MXRA7: variants seen among roughly 807,000 people sequenced by gnomAD.
MXRA7 encodes matrix-remodeling-associated protein 7.
In MXRA7, 18 loss-of-function variants were observed where a neutral mutation model predicts 17.4. The observed-to-expected ratio is 1.03, with a 90% CI of 0.71 to 1.53. The LOEUF (loss-of-function observed/expected upper bound fraction) is 1.53. Ranked by LOEUF, MXRA7 falls within the 40% of genes most tolerant of loss-of-function variation. The pLI is 0.00. For missense variants in MXRA7, 141 were observed against 209.3 expected (o/e 0.67, Z 2.01); for synonymous variants, 70 against 101.7 (o/e 0.69, Z 1.87).
At chr17:76,676,612 A>C (rs1328097231), downstream of MXRA7, 4 of 151,996 alleles carry the variant, frequency 2.6e-5, no homozygotes, top group African/African-American at 9.7e-5. Context: ...AAAATACAGA[A>C]ATTAGCTGGG....
intron 3 of MXRA7, chr17:76,684,643 G>T (rs2076361431): frequency 1.4e-5 from 6 of 433,386 alleles, no homozygotes; most frequent in Non-Finnish European, 2.8e-5. Flanking sequence ...GGAGGCCGCT[G>T]AAGGATGAGC....
intron 1 of MXRA7, among the ~76,000 whole-genome samples, chr17:76,701,274 T>C (rs933188584): frequency 1.2e-4 from 18 of 151,732 alleles, no homozygotes; most frequent in African/African-American, 4.1e-4. Flanking sequence ...GTGACCAGAA[T>C]TGCAGACAGC....
intron 1 of MXRA7, 144 bp from the exon 2 acceptor site, chr17:76,688,320 G>A (rs1173431898): frequency 4.1e-6 from 6 of 1,464,366 alleles, no homozygotes; most frequent in Admixed American, 2.5e-5. Flanking sequence ...CTGTGGTCAT[G>A]GTCAACCAGC....
intron 1 of MXRA7, among the ~76,000 whole-genome samples, chr17:76,693,088 T>A (rs1179429529): frequency 1.3e-5 from 2 of 152,266 alleles, no homozygotes; most frequent in Non-Finnish European, 2.9e-5. Flanking sequence ...ATTCAACTGA[T>A]GTTTTGTAGG....
At chr17:76,685,303 C>T (rs1048208004) in intron 2 of MXRA7, 138 bp from the exon 3 acceptor site, 9 of 655,086 alleles carry the variant, frequency 1.4e-5, no homozygotes, top group African/African-American at 7.3e-5. Flanking sequence ...CTCACCCCAG[C>T]GCCTATACCC....
intron 3 of MXRA7, chr17:76,684,690 A>AAATC: frequency 2.2e-6 from 1 of 449,108 alleles, no homozygotes; most frequent in Non-Finnish European, 4.4e-6. Flanking sequence ...AGAAATGGAG[A>AAATC]AATCAGCTCT....
chr17:76,691,988 G>A (rs979337032), intron 1 of MXRA7, among the ~76,000 whole-genome samples: 11 of 152,272 alleles, frequency 7.2e-5, no homozygotes, highest in African/African-American at 2.4e-4. Context: ...GGGCAGATCC[G>A]TATCCCCAAA....
chr17:76,694,884 CG>C (rs200743501), intron 1 of MXRA7, among the ~76,000 whole-genome samples: 2,534 of 151,990 alleles, frequency 0.017, 87 homozygotes, highest in African/African-American at 0.058. Flanking sequence ...TAAAAAATAA[CG>C]GGGGCCGGGG....
intron 1 of MXRA7, among the ~76,000 whole-genome samples, chr17:76,708,185 G>A (rs1368009003): frequency 6.6e-6 from 1 of 152,228 alleles, no homozygotes; most frequent in East Asian, 1.9e-4. Context: ...TGCTTCCCGG[G>A]GCGAGAGATC....
chr17:76,677,454 T>G (rs1332314830), downstream of MXRA7: 1 of 627,084 alleles, frequency 1.6e-6, no homozygotes, highest in Non-Finnish European at 2.8e-6. Context: ...ACTCGGCAAG[T>G]ACCTATAGAA....
intron 1 of MXRA7, among the ~76,000 whole-genome samples, chr17:76,702,887 A>ACATACGTATATATACG (rs1193131629): frequency 6.7e-6 from 1 of 149,632 alleles, no homozygotes; most frequent in African/African-American, 2.5e-5. Flanking sequence ...ATATATATAT[A>ACATACGTATATATACG]TATCTTGAGG....
At chr17:76,708,507 C>T (rs2143695933) in intron 1 of MXRA7, among the ~76,000 whole-genome samples, 1 of 152,296 alleles carries the variant, frequency 6.6e-6, no homozygotes, top group South Asian at 2.1e-4. Context: ...CCCTATCTGT[C>T]CTCCAAGCCC....
intron 1 of MXRA7, among the ~76,000 whole-genome samples, chr17:76,694,182 C>G (rs537679403): frequency 6.6e-6 from 1 of 152,138 alleles, no homozygotes; most frequent in Admixed American, 6.5e-5. Flanking sequence ...AGAGTGGGCC[C>G]GGGTGGAGAG....
At chr17:76,702,499 A>G (rs2076601250) in intron 1 of MXRA7, among the ~76,000 whole-genome samples, 1 of 151,054 alleles carries the variant, frequency 6.6e-6, no homozygotes. Context: ...CTAAATAAAT[A>G]AGTAAATAAA....
At chr17:76,705,686 C>G (rs1330276770) in intron 1 of MXRA7, among the ~76,000 whole-genome samples, 1 of 152,190 alleles carries the variant, frequency 6.6e-6, no homozygotes, top group Non-Finnish European at 1.5e-5. Flanking sequence ...ACATCCCTCT[C>G]TCTCTGGCAT....
In MXRA7 at chr17:76,680,603, A is replaced by G. The variant is rs1239475445; in HGVS notation, c.*264T>C. On this transcript the variant is annotated 3_prime_UTR_variant, in exon 4 of 4. Coordinates refer to ENST00000449428, the MANE Select transcript of MXRA7 (RefSeq NM_198530.4). ...AATCCCAGTCCAGGGTCTGAGCTCTACCTCTTAAAACTCTTCAGCTTAACA... is the reference window on the plus strand; with the variant it reads ...AATCCCAGTCCAGGGTCTGAGCTCTGCCTCTTAAAACTCTTCAGCTTAACA... 7.2e-6 allele frequency: 9 copies of G among 1,253,484 alleles called. No homozygotes were observed. Among genetic ancestry groups the G allele is most frequent in the Non-Finnish European group, 9.0e-6 (9 of 996,156 alleles). The allele number at this position is 1,253,484 out of a possible 1,614,324, so 77.6% of individuals were successfully genotyped here.
chr17:76,676,506 T>TA (rs1353571496), downstream of MXRA7: 7 of 152,310 alleles, frequency 4.6e-5, no homozygotes, highest in African/African-American at 1.7e-4. Flanking sequence ...CTCACGCCTG[T>TA]AATCCTAGCA....
chr17:76,708,410 T>C (rs1302410901), intron 1 of MXRA7, among the ~76,000 whole-genome samples: 1 of 152,132 alleles, frequency 6.6e-6, no homozygotes, highest in Non-Finnish European at 1.5e-5. Flanking sequence ...GGGGTTCGCT[T>C]AGGGACGGAG....
At chr17:76,703,800 C>G (rs2076623096) in intron 1 of MXRA7, 1 of 151,696 alleles carries the variant, frequency 6.6e-6, no homozygotes, top group Admixed American at 6.6e-5. Context: ...GGAAAGTGGA[C>G]AATCACTTCT....
Sources: allele counts gnomAD v4.1 joint callset (sites outside exome capture counted in the v4.1 genomes callset), GRCh38; gene constraint gnomAD v4.1.1; transcripts MANE v1.5; gene names NCBI Gene and HGNC (gene_info 2026-07-23, HGNC 2026-07-21).